Variants in ELMO1 observed in about 807,000 individuals in gnomAD.
ELMO1 encodes the protein engulfment and cell motility protein 1.
A neutral mutation model predicts 98.9 loss-of-function variants in ELMO1; 26 were observed. That is an observed-to-expected ratio of 0.26 (90% CI 0.19 to 0.36). The LOEUF (loss-of-function observed/expected upper bound fraction) is 0.36. Ranked by LOEUF, ELMO1 falls within the 10% of genes least tolerant of loss-of-function variation. ELMO1 has a pLI of 1.00. For synonymous variants in ELMO1, 346 were observed against 346.0 expected, an observed-to-expected ratio of 1.00 and a Z score of 0.00; for missense variants, 627 against 935.2, an observed-to-expected ratio of 0.67 and a Z score of 4.30.
chr7:37,056,966 A>C (rs937247503), intron 15 of ELMO1, among the ~76,000 whole-genome samples: 5 of 152,224 alleles, frequency 3.3e-5, no homozygotes, highest in African/African-American at 1.2e-4. Flanking sequence ...TAAATAATTA[A>C]TGTAAAAATT....
At chr7:37,439,434 T>C (rs114478936) in intron 1 of ELMO1, among the ~76,000 whole-genome samples, 149 of 152,326 alleles carry the variant, frequency 9.8e-4, no homozygotes, top group African/African-American at 3.5e-3. Flanking sequence ...ACGGTAAACA[T>C]ACCTTTAGCA....
intron 1 of ELMO1, chr7:37,375,454 G>T (rs9969311): frequency 1.5e-6 from 1 of 655,936 alleles, no homozygotes. Context: ...CAGTCAGCCC[G>T]TGAGGTTCGA....
At chr7:37,141,792 C>T (rs746427636) in intron 13 of ELMO1, among the ~76,000 whole-genome samples, 13 of 87,224 alleles carry the variant, frequency 1.5e-4, no homozygotes, top group Non-Finnish European at 2.1e-4. Flanking sequence ...GAAGGCCTTT[C>T]TGTTCACTTG....
intron 13 of ELMO1, among the ~76,000 whole-genome samples, chr7:37,144,443 C>G (rs887902260): frequency 6.6e-6 from 1 of 152,206 alleles, no homozygotes; most frequent in Non-Finnish European, 1.5e-5. Context: ...GCAACTCCCC[C>G]ACTCCTTTCT....
At chr7:37,231,907 T>C (rs1794195351) in intron 8 of ELMO1, among the ~76,000 whole-genome samples, 2 of 152,116 alleles carry the variant, frequency 1.3e-5, no homozygotes, top group Non-Finnish European at 1.5e-5. Context: ...GACTGGAGTG[T>C]AGTGGTGCAA....
intron 15 of ELMO1, among the ~76,000 whole-genome samples, chr7:37,052,122 A>G (rs528820947): frequency 6.6e-6 from 1 of 152,260 alleles, no homozygotes; most frequent in Non-Finnish European, 1.5e-5. Flanking sequence ...TTGGGAAGCA[A>G]TGCTCACACC....
intron 11 of ELMO1, 21 bp downstream of exon 11, chr7:37,216,624 T>A: frequency 2.5e-6 from 4 of 1,613,358 alleles, no homozygotes; most frequent in Non-Finnish European, 3.4e-6. Flanking sequence ...CACAAAGAGG[T>A]CACAGCGCAT....
intron 1 of ELMO1, chr7:37,419,542 T>C (rs1456748166): frequency 6.6e-6 from 1 of 152,250 alleles, no homozygotes; most frequent in Non-Finnish European, 1.5e-5. Context: ...GGCTGCAATA[T>C]TGCCATTTAC....
intron 16 of ELMO1, among the ~76,000 whole-genome samples, chr7:36,989,276 A>AC (rs1791713469): frequency 6.6e-6 from 1 of 152,196 alleles, no homozygotes; most frequent in Non-Finnish European, 1.5e-5. Flanking sequence ...AACAACAACA[A>AC]AAAAGTAGCA....
At chr7:37,379,462 A>T (rs563544844) in intron 1 of ELMO1, among the ~76,000 whole-genome samples, 56 of 152,202 alleles carry the variant, frequency 3.7e-4, no homozygotes, top group Middle Eastern at 3.4e-3. Context: ...AAGCTCATCT[A>T]CTGATCTTGC....
intron 2 of ELMO1, among the ~76,000 whole-genome samples, chr7:37,317,361 T>C (rs2724002): frequency 0.86 from 130,222 of 152,232 alleles, 55,929 homozygotes; most frequent in East Asian, 0.95. Context: ...CCTACAACTA[T>C]AAACACACTT....
chr7:37,407,135 G>T lies in ELMO1; in HGVS notation c.-74+41540C>A, dbSNP rs114739236. On this transcript the variant is annotated intron_variant, in intron 1 of 21. Transcript: ENST00000310758. ...AAGCAACTAAGATGTCCTTCAACAGGTGAGTGAATAAACAATGGTACATCC... is the reference window on the plus strand; with the variant it reads ...AAGCAACTAAGATGTCCTTCAACAGTTGAGTGAATAAACAATGGTACATCC... Among the ~76,000 whole-genome samples the T allele has an allele frequency of 1.9e-3, 289 of 152,268 alleles. 2 individuals carry two copies. Among genetic ancestry groups the T allele is most frequent in the African/African-American group, 6.8e-3 (284 of 41,544 alleles).
At chr7:37,430,818 C>T (rs943220052) in intron 1 of ELMO1, among the ~76,000 whole-genome samples, 6 of 152,182 alleles carry the variant, frequency 3.9e-5, no homozygotes, top group Non-Finnish European at 8.8e-5. Context: ...CAAGAGGAAA[C>T]GGAAGCTATG....
chr7:37,412,949 T>A (rs907535442), intron 1 of ELMO1, among the ~76,000 whole-genome samples: 6 of 152,150 alleles, frequency 3.9e-5, no homozygotes, highest in Non-Finnish European at 8.8e-5. Context: ...CCAGCTGACA[T>A]CTGACCACCA....
chr7:37,405,567 T>C (rs1018268022), intron 1 of ELMO1, among the ~76,000 whole-genome samples: 1 of 152,212 alleles, frequency 6.6e-6, no homozygotes, highest in African/African-American at 2.4e-5. Flanking sequence ...ATTTCACATT[T>C]TAGGCAATCA....
intron 16 of ELMO1, among the ~76,000 whole-genome samples, chr7:36,934,756 C>G (rs909737428): frequency 6.6e-6 from 1 of 152,116 alleles, no homozygotes; most frequent in Non-Finnish European, 1.5e-5. Flanking sequence ...TCTGGTGACA[C>G]TAGAGAAAGC....
At chr7:37,226,560 C>T (rs1277061724) in intron 8 of ELMO1, among the ~76,000 whole-genome samples, 1 of 152,082 alleles carries the variant, frequency 6.6e-6, no homozygotes, top group East Asian at 1.9e-4. Context: ...TTCACGCTCT[C>T]GGCATAATTC....
intron 16 of ELMO1, among the ~76,000 whole-genome samples, chr7:36,941,204 G>T (rs886659056): frequency 6.6e-6 from 1 of 152,178 alleles, no homozygotes; most frequent in African/African-American, 2.4e-5. Flanking sequence ...CCTAGTGCTC[G>T]AATCAATCAC....
intron 11 of ELMO1, among the ~76,000 whole-genome samples, chr7:37,216,351 T>C (rs757669203): frequency 6.6e-6 from 1 of 152,142 alleles, no homozygotes; most frequent in Non-Finnish European, 1.5e-5. Context: ...CTGATCTCCC[T>C]AACCTGCCCC....
Sources: allele counts gnomAD v4.1 joint callset (sites outside exome capture counted in the v4.1 genomes callset), GRCh38; gene constraint gnomAD v4.1.1; transcripts MANE v1.5; gene names NCBI Gene and HGNC (gene_info 2026-07-23, HGNC 2026-07-21).